CRISPLD1: variants seen among roughly 807,000 people sequenced by gnomAD.
The protein encoded by CRISPLD1 is cysteine rich secretory protein LCCL domain containing 1.
A neutral mutation model predicts 77.5 loss-of-function variants in CRISPLD1; 60 were observed. The ratio of observed to expected loss-of-function variants is 0.77; its 90% CI spans 0.63 to 0.96. The LOEUF is 0.96. CRISPLD1 is among the 40% of genes least tolerant of loss of function. The pLI, the probability that CRISPLD1 is intolerant of heterozygous loss-of-function variation, is 0.00. For synonymous variants in CRISPLD1, 195 were observed against 200.1 expected (o/e 0.97, Z 0.22); for missense variants, 623 against 615.8 (o/e 1.01, Z -0.12).
intron 2 of CRISPLD1, among the ~76,000 whole-genome samples, chr8:74,990,604 AT>A (rs1812557340): frequency 7.8e-6 from 1 of 128,756 alleles, no homozygotes; most frequent in Non-Finnish European, 1.6e-5. Flanking sequence ...CCTACTGCCC[AT>A]TGGACCATTC....
intron 13 of CRISPLD1, among the ~76,000 whole-genome samples, chr8:75,026,091 T>C (rs1813230669): frequency 7.9e-6 from 1 of 126,452 alleles, no homozygotes; most frequent in Admixed American, 7.2e-5. Flanking sequence ...GAGATGACTT[T>C]AGTGGGTTGG....
In CRISPLD1 at chr8:75,032,961, A is replaced by G. The variant is rs1813378093; in HGVS notation, c.*719A>G. 6.6e-6 allele frequency: 1 copy of G among 152,092 alleles called. No homozygotes were observed. Among genetic ancestry groups the G allele is most frequent in the East Asian group, 1.9e-4 (1 of 5,182 alleles). 9.4% of individuals were successfully genotyped at this position (152,092 alleles called of 1,614,324 possible). ...TAAGCATGGACAGCCAGAGCTTTCT[A>G]TGTACTGTTAAAATTGAGGTCACAT... On this transcript the variant is annotated 3_prime_UTR_variant, in exon 15 of 15. Transcript: ENST00000262207.
At chr8:74,989,103 A>T (rs1179658386) in intron 2 of CRISPLD1, among the ~76,000 whole-genome samples, 1 of 152,164 alleles carries the variant, frequency 6.6e-6, no homozygotes, top group South Asian at 2.1e-4. Context: ...GGGGGTATAC[A>T]TCAATTAGAG....
At chr8:75,011,800 C>G (rs1189855347) in intron 2 of CRISPLD1, among the ~76,000 whole-genome samples, 1 of 151,796 alleles carries the variant, frequency 6.6e-6, no homozygotes, top group Non-Finnish European at 1.5e-5. Context: ...AGAAATAGAC[C>G]AAAGATAGCA....
chr8:74,995,001 A>G (rs556639635), intron 2 of CRISPLD1, among the ~76,000 whole-genome samples: 96 of 152,284 alleles, frequency 6.3e-4, no homozygotes, highest in African/African-American at 2.2e-3. Flanking sequence ...GTATGCCATT[A>G]GATACAAGGC....
chr8:74,991,837 C>CT (rs1174323797), intron 2 of CRISPLD1, among the ~76,000 whole-genome samples: 1 of 152,172 alleles, frequency 6.6e-6, no homozygotes, highest in African/African-American at 2.4e-5. Context: ...CAAACTCTTA[C>CT]TTTTCCCTCC....
chr8:75,018,405 C>T (rs776118170), intron 10 of CRISPLD1, among the ~76,000 whole-genome samples: 17 of 152,082 alleles, frequency 1.1e-4, no homozygotes, highest in Non-Finnish European at 2.2e-4. Context: ...GATTCTCCTG[C>T]TTCAGTCTCC....
intron 10 of CRISPLD1, 125 bp downstream of exon 10, chr8:75,017,575 A>G: frequency 1.2e-6 from 1 of 842,636 alleles, no homozygotes; most frequent in Non-Finnish European, 1.7e-6. Context: ...TTCAAGGTTC[A>G]TTTTAGCTTG....
rs1587017500 is a variant in CRISPLD1 at position 75,012,915 on chromosome 8, C to A, written c.403C>A (p.Gln135Lys). The change falls in exon 4 of 15, where the codon CAA (glutamine) becomes AAA (lysine). Residue 135 changes from glutamine to lysine, a missense_variant. Physicochemically the swap from Gln to Lys is moderately conservative, Grantham distance 53 (BLOSUM62 1). Coordinates refer to ENST00000262207, the MANE Select transcript of CRISPLD1 (RefSeq NM_031461.6). ...ATATAGGCCCCCGACGTTTCATGTA[C>A]AATCGTGGTATGATGAAGTGAAAGA... The part of the protein sequence containing the change: ...GRYRPPTFHV[Q>K]SWYDEVKDFS... 1.9e-6 allele frequency: 3 copies of A among 1,612,452 alleles called. No homozygotes were observed. The highest frequency in any genetic ancestry group is 2.5e-6 in the Non-Finnish European group (3 of 1,179,150).
At chr8:75,007,787 A>C (rs182850797) in intron 2 of CRISPLD1, among the ~76,000 whole-genome samples, 6 of 149,462 alleles carry the variant, frequency 4.0e-5, no homozygotes, top group African/African-American at 1.5e-4. Flanking sequence ...GATCCTTACA[A>C]CTTAGCCTCC....
chr8:75,032,326 C>A lies in CRISPLD1; in HGVS notation c.*84C>A. ...TGTATAAAACTGTAACATTACTGTACAGAGTACATCAACTATTTTCAGCCC... is the reference window on the plus strand; with the variant it reads ...TGTATAAAACTGTAACATTACTGTAAAGAGTACATCAACTATTTTCAGCCC... On this transcript the variant is annotated 3_prime_UTR_variant, in exon 15 of 15. Transcript: ENST00000262207. The A allele has an allele frequency of 2.1e-6, 2 of 959,042 alleles. No individual in the cohort carries two copies. Among genetic ancestry groups the A allele is most frequent in the Non-Finnish European group, 3.1e-6 (2 of 651,520 alleles). The allele number at this position is 959,042 out of a possible 1,614,324, so 59.4% of individuals were successfully genotyped here.
At chr8:75,032,060 A>T (rs1205681082) in intron 14 of CRISPLD1, 131 bp from the exon 15 acceptor site, 6 of 585,394 alleles carry the variant, frequency 1.0e-5, no homozygotes, top group Non-Finnish European at 1.5e-5. Flanking sequence ...AAATTATAGT[A>T]GCCTAAGAAA....
chr8:75,009,967 G>C (rs1485510802), intron 2 of CRISPLD1, among the ~76,000 whole-genome samples: 1 of 152,066 alleles, frequency 6.6e-6, no homozygotes, highest in African/African-American at 2.4e-5. Flanking sequence ...GGCAAATAAA[G>C]TGCTTACCTG....
intron 2 of CRISPLD1, among the ~76,000 whole-genome samples, chr8:75,009,773 A>G (rs72670912): frequency 2.6e-5 from 4 of 152,234 alleles, no homozygotes; most frequent in Non-Finnish European, 2.9e-5. Flanking sequence ...CTAGATACAA[A>G]AGGAAATCAA....
At position 75,029,473 on chromosome 8, in the gene CRISPLD1, A is replaced by C. The variant is rs1323192066; in HGVS notation, c.1407A>C (p.Arg469Ser). ...GYVDVMPVDK[R>S]KTYIASFQNG... ...TTGATGTAATGCCTGTGGACAAAAG[A>C]AAGACCTACATTGCTTCTTTTCAGA... The change falls in exon 14 of 15, where the codon AGA (arginine) becomes AGC (serine). Residue 469 changes from arginine (R) to serine (S), a missense_variant. By Grantham distance (110) the Arg-to-Ser change is moderately radical. Coordinates refer to ENST00000262207, the MANE Select transcript of CRISPLD1 (RefSeq NM_031461.6). 1 of 1,613,892 alleles carries C rather than the reference A, an allele frequency of 6.2e-7. No individual in the cohort carries two copies. Among genetic ancestry groups the C allele is most frequent in the Non-Finnish European group, 8.5e-7 (1 of 1,179,808 alleles).
In CRISPLD1 at chr8:75,017,129, G is replaced by A. The variant is rs1037212366; in HGVS notation, c.996+16G>A. On this transcript the variant is annotated intron_variant, in intron 9 of 14. Transcript: ENST00000262207. ...TTATGAAATGGTAAGTGTTATAAATGTAATTATTTGAGGATAGAGTCATTC... is the reference window on the plus strand; with the variant it reads ...TTATGAAATGGTAAGTGTTATAAATATAATTATTTGAGGATAGAGTCATTC... 1 of 1,596,266 alleles carries A rather than the reference G, an allele frequency of 6.3e-7. No homozygotes were observed.
intron 2 of CRISPLD1, among the ~76,000 whole-genome samples, chr8:74,989,907 T>C (rs901652771): frequency 2.0e-5 from 3 of 152,206 alleles, no homozygotes; most frequent in Non-Finnish European, 4.4e-5. Flanking sequence ...TCATAAATCA[T>C]GCAGTGTCGC....
chr8:75,026,444 T>G (rs981626470), intron 13 of CRISPLD1: 1 of 152,118 alleles, frequency 6.6e-6, no homozygotes, highest in Non-Finnish European at 1.5e-5. Flanking sequence ...GTAACGGAGT[T>G]AAGAGTCAAT....
At chr8:75,023,842 A>G (rs943997346) in intron 12 of CRISPLD1, among the ~76,000 whole-genome samples, 2 of 152,028 alleles carry the variant, frequency 1.3e-5, no homozygotes, top group African/African-American at 4.8e-5. Context: ...ATTAAAAGTA[A>G]AGTGCCATTT....
Sources: allele counts gnomAD v4.1 joint callset (sites outside exome capture counted in the v4.1 genomes callset), GRCh38; gene constraint gnomAD v4.1.1; transcripts MANE v1.5; gene names NCBI Gene and HGNC (gene_info 2026-07-23, HGNC 2026-07-21).